STAM2: variants seen among roughly 807,000 people sequenced by gnomAD.
STAM2 encodes signal transducing adapter molecule 2.
A neutral mutation model predicts 65.6 loss-of-function variants in STAM2; 51 were observed. The ratio of observed to expected loss-of-function variants is 0.78; its 90% CI spans 0.62 to 0.98. The LOEUF is 0.98. Ranked by LOEUF, STAM2 falls within the 50% of genes least tolerant of loss-of-function variation. STAM2 has a pLI of 0.00. For synonymous variants in STAM2, 198 were observed against 208.4 expected (o/e 0.95, Z 0.43); for missense variants, 584 against 617.8 (o/e 0.95, Z 0.58).
chr2:152,121,549 T>C (rs1384976584), intron 13 of STAM2, among the ~76,000 whole-genome samples: 1 of 152,122 alleles, frequency 6.6e-6, no homozygotes, highest in East Asian at 1.9e-4. Context: ...TCTGTAAACA[T>C]CCTTCAAGCT....
At chr2:152,170,429 G>T (rs1689877249) in intron 1 of STAM2, among the ~76,000 whole-genome samples, 1 of 150,444 alleles carries the variant, frequency 6.6e-6, no homozygotes, top group Non-Finnish European at 1.5e-5. Context: ...GTTGCAGCGA[G>T]CTGAGATCGC....
rs1302482238 is a variant in STAM2, at chr2:152,167,411, T to G, written c.40+8192A>C. ...GCAACACTTACTACACCAAAAAAGA[T>G]AGCAGATGCCAATAAGTCAATGTGA... On this transcript the variant is annotated intron_variant, in intron 1 of 13. Coordinates refer to ENST00000263904, the MANE Select transcript of STAM2 (RefSeq NM_005843.6). Among the ~76,000 whole-genome samples, 3 of 152,210 alleles carry G rather than the reference T, an allele frequency of 2.0e-5. No homozygotes were observed. In the East Asian group the frequency reaches 5.8e-4, roughly 29 times the overall value.
chr2:152,159,431 G>C (rs1285619765), intron 1 of STAM2, among the ~76,000 whole-genome samples: 1 of 152,032 alleles, frequency 6.6e-6, no homozygotes, highest in Non-Finnish European at 1.5e-5. Flanking sequence ...TTTTACTAAA[G>C]ATAGAAACAT....
intron 11 of STAM2, among the ~76,000 whole-genome samples, chr2:152,127,291 T>C (rs533264989): frequency 1.4e-4 from 22 of 152,222 alleles, no homozygotes; most frequent in Non-Finnish European, 2.9e-4. Flanking sequence ...CTGGTGACAA[T>C]ATGACTTTAT....
In STAM2 at chr2:152,172,634, C is replaced by T. The variant is rs371317819; in HGVS notation, c.40+2969G>A. 3.3e-5 allele frequency among the ~76,000 whole-genome samples: 5 copies of T among 151,852 alleles called. No homozygotes were observed. In the East Asian group the frequency reaches 5.8e-4, roughly 18 times the overall value. On this transcript the variant is annotated intron_variant, in intron 1 of 13. Transcript: ENST00000263904. Reference sequence around the variant, plus strand: ...CTGTAATCTCAACACTTTGGGAGGCCGAGGCGGGCAGATCACTTGAGGGCA... The same window carrying T: ...CTGTAATCTCAACACTTTGGGAGGCTGAGGCGGGCAGATCACTTGAGGGCA...
At chr2:152,172,196 G>T (rs1351701856) in intron 1 of STAM2, among the ~76,000 whole-genome samples, 1 of 152,072 alleles carries the variant, frequency 6.6e-6, no homozygotes, top group Non-Finnish European at 1.5e-5. Flanking sequence ...ACAAAAAAAT[G>T]AATCTAGATA....
chr2:152,146,884 AGGGGTAT>A (rs1224946145), intron 5 of STAM2, among the ~76,000 whole-genome samples: 1 of 152,200 alleles, frequency 6.6e-6, no homozygotes, highest in Non-Finnish European at 1.5e-5. Context: ...CTTGAATATA[AGGGGTAT>A]GTCATATACC....
intron 6 of STAM2, 28 bp downstream of exon 6, chr2:152,144,860 A>G: frequency 1.2e-6 from 2 of 1,603,408 alleles, no homozygotes; most frequent in East Asian, 2.2e-5. Flanking sequence ...TTTAAGCAAC[A>G]CTAAATTACA....
chr2:152,148,501 C>T (rs1333795211), intron 2 of STAM2, among the ~76,000 whole-genome samples: 1 of 152,024 alleles, frequency 6.6e-6, no homozygotes, highest in Non-Finnish European at 1.5e-5. Context: ...AAGATCTCAT[C>T]TCTATAAAAA....
At chr2:152,129,986 G>A (rs1025012760) in intron 11 of STAM2, among the ~76,000 whole-genome samples, 4 of 152,232 alleles carry the variant, frequency 2.6e-5, no homozygotes, top group South Asian at 2.1e-4. Context: ...TTCTCTGGCA[G>A]AGGCAGAAAA....
chr2:152,120,659 G>A lies in STAM2; in HGVS notation c.1493C>T (p.Pro498Leu), dbSNP rs1462760406. 1.2e-6 allele frequency: 2 copies of A among 1,614,014 alleles called. No homozygotes were observed. The highest frequency in any genetic ancestry group is 8.5e-7 in the Non-Finnish European group (1 of 1,180,032). ...SSYQNTTSNL[P>L]QLAGFPVTVP... is the part of the protein sequence containing the mutation. ...TGTCACCGGAAAGCCTGCCAGTTGA[G>A]GCAAATTGGAAGTAGTGTTCTGATA... is the stretch of plus-strand genomic sequence containing the variant. The change falls in exon 14 of 14, where the codon CCT becomes CTT. Residue 498 changes from proline (P) to leucine (L), a missense_variant. Transcript: ENST00000263904.
At chr2:152,129,227 T>C (rs940467133) in intron 11 of STAM2, among the ~76,000 whole-genome samples, 5 of 152,204 alleles carry the variant, frequency 3.3e-5, no homozygotes, top group Admixed American at 3.3e-4. Context: ...CACTGCAGCC[T>C]CCTTGACCTC....
At chr2:152,154,283 T>TA (rs1406398251) in intron 1 of STAM2, among the ~76,000 whole-genome samples, 1 of 152,116 alleles carries the variant, frequency 6.6e-6, no homozygotes, top group Non-Finnish European at 1.5e-5. Context: ...CTCTCAAACT[T>TA]ACCAATCAGG....
chr2:152,144,983 A>C, intron 5 of STAM2, 26 bp from the exon 6 acceptor site: 2 of 1,567,188 alleles, frequency 1.3e-6, no homozygotes, highest in Non-Finnish European at 1.8e-6. Flanking sequence ...TAAAATGAAC[A>C]CAACTATCTT....
intron 3 of STAM2, 44 bp from the exon 4 acceptor site, chr2:152,148,166 T>G (rs369304338): frequency 7.6e-5 from 121 of 1,589,958 alleles, no homozygotes; most frequent in Non-Finnish European, 1.0e-4. Context: ...AATATTAACT[T>G]ACTGTAATTA....
In STAM2 at chr2:152,117,754, A is replaced by C. The variant is rs929788025; in HGVS notation, c.*2820T>G. ...AAAACCTTTTTAAAAAAAATCCCTA[A>C]GCTATATGTTTTTAAAACATTTAAA... is the stretch of plus-strand genomic sequence containing the variant. On this transcript the variant is annotated 3_prime_UTR_variant, in exon 14 of 14. Coordinates refer to ENST00000263904, the MANE Select transcript of STAM2 (RefSeq NM_005843.6). 2.6e-5 allele frequency: 4 copies of C among 152,282 alleles called. No homozygotes were observed. The highest frequency in any genetic ancestry group is 9.6e-5 in the African/African-American group (4 of 41,566). 9.4% of individuals were successfully genotyped at this position (152,282 alleles called of 1,614,324 possible). A position where few individuals can be genotyped will look rare whatever the true frequency, so the allele number is the denominator to read the frequency against.
At chr2:152,138,480 T>C (rs560246046) in intron 7 of STAM2, among the ~76,000 whole-genome samples, 1 of 152,266 alleles carries the variant, frequency 6.6e-6, no homozygotes, top group Admixed American at 6.5e-5. Flanking sequence ...TTGTAATAGT[T>C]TATCCATCGG....
Position 152,150,019 on chromosome 2 carries a change from T to G in STAM2, c.125+126A>C, listed in dbSNP as rs75101478. On this transcript the variant is annotated intron_variant, in intron 2 of 13. Transcript: ENST00000263904. ...CCTATGTATAAGTGAACCCTCGCAG[T>G]TTAAATCTGTGTTGTTCAAGGGTCA... is the stretch of plus-strand genomic sequence containing the variant. 1,748 of 666,708 alleles carry G rather than the reference T, an allele frequency of 2.6e-3. 33 individuals are homozygous for G. In the African/African-American group the frequency reaches 0.029, roughly 11 times the overall value. 41.3% of individuals were successfully genotyped at this position (666,708 alleles called of 1,614,324 possible). A position where few individuals can be genotyped will look rare whatever the true frequency, so the allele number is the denominator to read the frequency against.
At chr2:152,142,889 T>C (rs1299644081) in intron 7 of STAM2, among the ~76,000 whole-genome samples, 1 of 152,202 alleles carries the variant, frequency 6.6e-6, no homozygotes, top group Admixed American at 6.5e-5. Flanking sequence ...TTTTATCTTA[T>C]CAAAACCAAT....
Sources: gnomAD v4.1 joint callset for allele counts (sites outside exome capture counted in the v4.1 genomes callset) on GRCh38, gnomAD v4.1.1 for gene constraint, MANE v1.5 for transcripts, NCBI Gene and HGNC (gene_info 2026-07-23, HGNC 2026-07-21) for gene names.